Variants in ADARB2 observed in about 807,000 individuals in gnomAD.
The protein encoded by ADARB2 is adenosine deaminase RNA specific B2 (inactive), also known as inactive double-stranded RNA-specific editase B2.
In ADARB2, 25 loss-of-function variants were observed where a neutral mutation model predicts 62.2. The observed-to-expected ratio is 0.40, with a 90% CI of 0.29 to 0.56. The LOEUF (loss-of-function observed/expected upper bound fraction) is 0.56. ADARB2 is among the 20% of genes least tolerant of loss of function. The pLI, the probability that ADARB2 is intolerant of heterozygous loss-of-function variation, is 0.43. For missense variants in ADARB2, 1,071 were observed against 1,077.4 expected (o/e 0.99, Z 0.08); for synonymous variants, 572 against 500.8 (o/e 1.14, Z -1.90).
intron 1 of ADARB2, among the ~76,000 whole-genome samples, chr10:1,490,887 G>A (rs774546255): frequency 1.1e-4 from 16 of 152,148 alleles, no homozygotes; most frequent in East Asian, 3.8e-4. Context: ...AACTACATAC[G>A]TCAGCAGATA....
chr10:1,296,188 A>G (rs1831521571), intron 3 of ADARB2, among the ~76,000 whole-genome samples: 1 of 152,248 alleles, frequency 6.6e-6, no homozygotes, highest in Non-Finnish European at 1.5e-5. Context: ...TGGCCTAAGC[A>G]GGATCCACGT....
intron 1 of ADARB2, among the ~76,000 whole-genome samples, chr10:1,604,402 G>T (rs921716348): frequency 6.6e-6 from 1 of 152,154 alleles, no homozygotes; most frequent in Non-Finnish European, 1.5e-5. Flanking sequence ...TGGCTTCCCT[G>T]TGATCTCCAG....
chr10:1,405,163 T>C (rs1832697106), intron 1 of ADARB2, among the ~76,000 whole-genome samples: 1 of 152,202 alleles, frequency 6.6e-6, no homozygotes. Flanking sequence ...TGCATGTTGA[T>C]CCTGTGCCAG....
At chr10:1,679,723 C>T (rs1462854148) in intron 1 of ADARB2, among the ~76,000 whole-genome samples, 3 of 152,252 alleles carry the variant, frequency 2.0e-5, no homozygotes, top group East Asian at 3.9e-4. Flanking sequence ...ACACACGCGG[C>T]GTCTAAGCCA....
At chr10:1,716,245 T>G (rs909419792) in intron 1 of ADARB2, among the ~76,000 whole-genome samples, 3 of 152,242 alleles carry the variant, frequency 2.0e-5, no homozygotes, top group African/African-American at 7.2e-5. Context: ...CCTCTGTAAC[T>G]GCCCCAGGCA....
chr10:1,549,990 C>A (rs1336051287), intron 1 of ADARB2, among the ~76,000 whole-genome samples: 2 of 152,200 alleles, frequency 1.3e-5, no homozygotes, highest in Admixed American at 6.5e-5. Context: ...CTCCAAAACA[C>A]AACACACCAT....
At chr10:1,209,568 TCATCACCCACACTCTCAC>T (rs1837120510) in intron 7 of ADARB2, among the ~76,000 whole-genome samples, 2 of 72,046 alleles carry the variant, frequency 2.8e-5, no homozygotes, top group South Asian at 6.2e-4. Flanking sequence ...CACACCCACA[TCATCACCCACACTCTCAC>T]CATCACCCAC....
intron 6 of ADARB2, among the ~76,000 whole-genome samples, chr10:1,225,904 C>T (rs368207831): frequency 1.3e-3 from 192 of 152,058 alleles, no homozygotes; most frequent in African/African-American, 4.4e-3. Context: ...CTGCTCTTCT[C>T]GAGGAGTATC....
rs1215581235 is a variant in ADARB2, at chr10:1,477,186, C to T, written c.101-98026G>A. Among the ~76,000 whole-genome samples, 1 of 152,184 alleles carries T rather than the reference C, an allele frequency of 6.6e-6. No individual in the cohort carries two copies. The highest frequency in any genetic ancestry group is 1.5e-5 in the Non-Finnish European group (1 of 68,044). On this transcript the variant is annotated intron_variant, in intron 1 of 9. Coordinates refer to ENST00000381312, the MANE Select transcript of ADARB2 (RefSeq NM_018702.4). This position sits in a 1 kb window ranked among gnomAD's most constrained non-coding sequence, Gnocchi z 4.5. ...GCTTTCTCCTCTGACCCATGGCTAA[C>T]ACCACTTCCTTACAGGAGAAGTGAC...
At chr10:1,551,814 A>C (rs1254767842) in intron 1 of ADARB2, among the ~76,000 whole-genome samples, 1 of 152,186 alleles carries the variant, frequency 6.6e-6, no homozygotes, top group Non-Finnish European at 1.5e-5. Flanking sequence ...TGTCTCCGGG[A>C]CACAATGTAC....
At chr10:1,252,549 T>C (rs1024665762) in intron 4 of ADARB2, among the ~76,000 whole-genome samples, 3 of 152,232 alleles carry the variant, frequency 2.0e-5, no homozygotes, top group African/African-American at 7.2e-5. Flanking sequence ...TCCTTGTGGT[T>C]GGTATTCTCT....
chr10:1,712,023 C>T (rs1834954112), intron 1 of ADARB2, among the ~76,000 whole-genome samples: 1 of 152,164 alleles, frequency 6.6e-6, no homozygotes, highest in Non-Finnish European at 1.5e-5. Flanking sequence ...CAGCCTTCTC[C>T]AAATGCTCAT....
At chr10:1,681,934 G>A (rs1201714901) in intron 1 of ADARB2, among the ~76,000 whole-genome samples, 1 of 152,184 alleles carries the variant, frequency 6.6e-6, no homozygotes, top group Non-Finnish European at 1.5e-5. Flanking sequence ...GCACCTGAGT[G>A]TGGACAGGTG....
At chr10:1,697,864 A>T (rs1834766979) in intron 1 of ADARB2, among the ~76,000 whole-genome samples, 1 of 152,222 alleles carries the variant, frequency 6.6e-6, no homozygotes, top group Non-Finnish European at 1.5e-5. Flanking sequence ...CTTACTCCGT[A>T]ACCGTGAATT....
At chr10:1,570,796 G>A (rs1455839424) in intron 1 of ADARB2, among the ~76,000 whole-genome samples, 1 of 152,168 alleles carries the variant, frequency 6.6e-6, no homozygotes, top group Admixed American at 6.5e-5. Context: ...GGACAGGGGG[G>A]CGCTGGACCT....
At chr10:1,247,540 T>A (rs1830997353) in intron 4 of ADARB2, among the ~76,000 whole-genome samples, 1 of 152,106 alleles carries the variant, frequency 6.6e-6, no homozygotes, top group Non-Finnish European at 1.5e-5. Flanking sequence ...GCTGACCGAT[T>A]TAATTTGGGG....
rs545327765 is a variant in ADARB2 at position 1,681,854 on chromosome 10, C to T, written c.100+55197G>A. On this transcript the variant is annotated intron_variant, in intron 1 of 9. Transcript: ENST00000381312. ...CGAGCAATCCTCCCAGCCACAGAGT[C>T]GTAGGTGAAAGTGCAGCACACTCCG... is the stretch of plus-strand genomic sequence containing the variant. Among the ~76,000 whole-genome samples the T allele has an allele frequency of 5.9e-5, 9 of 152,248 alleles. No homozygotes were observed. The East Asian group carries it at 7.7e-4, about 13-fold the overall frequency.
Position 1,405,623 on chromosome 10 carries a change from C to T in ADARB2, c.101-26463G>A, listed in dbSNP as rs547821902. Among the ~76,000 whole-genome samples, 80 of 80,264 alleles carry T rather than the reference C, an allele frequency of 1.0e-3. No individual in the cohort carries two copies. In the South Asian group the frequency reaches 0.042, roughly 42 times the overall value. The allele number at this position is 80,264 out of a possible 152,430, so 52.7% of individuals were successfully genotyped here. On this transcript the variant is annotated intron_variant, in intron 1 of 9. Coordinates refer to ENST00000381312, the MANE Select transcript of ADARB2 (RefSeq NM_018702.4). ...CTCCAGCCTGGAAGAGTGTGAGATT[C>T]AGTCTCAAAAAAAAAAAAAAAAAAA...
intron 1 of ADARB2, among the ~76,000 whole-genome samples, chr10:1,411,264 G>A (rs765594007): frequency 5.9e-5 from 9 of 152,208 alleles, no homozygotes; most frequent in Non-Finnish European, 1.0e-4. Flanking sequence ...TGAGGCACAG[G>A]TGCGTCCGTG....
Sources: gnomAD v4.1 joint callset for allele counts (sites outside exome capture counted in the v4.1 genomes callset) on GRCh38, gnomAD v4.1.1 for gene constraint, Gnocchi (gnomAD v3.1) non-coding constraint, MANE v1.5 for transcripts, NCBI Gene and HGNC (gene_info 2026-07-23, HGNC 2026-07-21) for gene names.